HEATR5A: variants seen among roughly 807,000 people sequenced by gnomAD.
The protein encoded by HEATR5A is HEAT repeat-containing protein 5A.
Under a neutral mutation model 218.8 loss-of-function variants are expected in HEATR5A, and 178 were observed. That is an observed-to-expected ratio of 0.81 (90% confidence interval 0.72 to 0.92). The LOEUF is 0.92. Among genes scored for constraint, HEATR5A ranks in the 40% least tolerant of loss-of-function variants. HEATR5A has a pLI of 0.00. For synonymous variants in HEATR5A, 864 were observed against 871.6 expected (o/e 0.99, Z 0.15); for missense variants, 2,420 against 2,418.9 (o/e 1.00, Z -0.01).
chr14:31,309,230 T>C, intron 28 of HEATR5A, 48 bp from the exon 29 acceptor site: 1 of 1,577,440 alleles, frequency 6.3e-7, no homozygotes, highest in South Asian at 1.2e-5. Context: ...TTCCAATATA[T>C]TTTCTCTTTT....
At chr14:31,307,136 G>A (rs558562996) in intron 30 of HEATR5A, among the ~76,000 whole-genome samples, 1 of 152,292 alleles carries the variant, frequency 6.6e-6, no homozygotes, top group Non-Finnish European at 1.5e-5. Flanking sequence ...ATCAAGCCTG[G>A]CCAACATGGT....
At chr14:31,407,454 G>A (rs1231909803) in intron 1 of HEATR5A, among the ~76,000 whole-genome samples, 1 of 152,048 alleles carries the variant, frequency 6.6e-6, no homozygotes, top group Admixed American at 6.6e-5. Flanking sequence ...TGTATATTAT[G>A]ACTCTCCATG....
At chr14:31,301,163 C>T (rs145363414) in intron 33 of HEATR5A, among the ~76,000 whole-genome samples, 2 of 152,266 alleles carry the variant, frequency 1.3e-5, no homozygotes, top group South Asian at 2.1e-4. Context: ...AGGGAAAATG[C>T]ATACTGTGTC....
At chr14:31,400,575 A>G (rs1282023036) in intron 2 of HEATR5A, 63 bp from the exon 3 acceptor site, 4 of 1,084,050 alleles carry the variant, frequency 3.7e-6, no homozygotes, top group Non-Finnish European at 5.1e-6. Flanking sequence ...ATCCCCTAAT[A>G]TAATTTTTCT....
chr14:31,379,271 G>A (rs1290738897), intron 11 of HEATR5A, among the ~76,000 whole-genome samples: 1 of 150,062 alleles, frequency 6.7e-6, no homozygotes, highest in African/African-American at 2.5e-5. Flanking sequence ...TTTATTTTGA[G>A]AGGGAGTCTT....
At position 31,293,500 on chromosome 14, in the gene HEATR5A, T is replaced by A. The variant is rs1269980705; in HGVS notation, c.5946A>T (p.Gln1982His). 2 of 1,613,816 alleles carry A rather than the reference T, an allele frequency of 1.2e-6. No individual in the cohort carries two copies. The highest frequency in any genetic ancestry group is 3.3e-5 in the Admixed American group (2 of 59,998). The change falls in exon 36 of 36, where the codon CAA (glutamine) becomes CAT (histidine). Residue 1982 changes from glutamine (Q) to histidine (H), a missense_variant. Physicochemically the swap from Gln to His is conservative, Grantham distance 24 (BLOSUM62 0). Coordinates refer to ENST00000543095, the MANE Select transcript of HEATR5A (RefSeq NM_015473.4). The part of the protein sequence containing the change: ...IMRNLHDFAL[Q>H]NLMQIGPQYS... ...ACTGAGGTCCAATTTGCATGAGATT[T>A]TGTAGAGCAAAGTCATGTAAATTTC... is the stretch of plus-strand genomic sequence containing the variant.
intron 16 of HEATR5A, among the ~76,000 whole-genome samples, chr14:31,354,448 A>T (rs1901348421): frequency 6.6e-6 from 1 of 152,228 alleles, no homozygotes; most frequent in African/African-American, 2.4e-5. Flanking sequence ...CAATCCTGAA[A>T]GAGATTGAAT....
At chr14:31,301,435 A>T (rs984559071) in intron 33 of HEATR5A, among the ~76,000 whole-genome samples, 1 of 152,028 alleles carries the variant, frequency 6.6e-6, no homozygotes, top group Admixed American at 6.6e-5. Flanking sequence ...ACAAGTTTTA[A>T]TGGATGCTGA....
At chr14:31,332,140 T>A (rs1900494241) in intron 22 of HEATR5A, among the ~76,000 whole-genome samples, 1 of 152,234 alleles carries the variant, frequency 6.6e-6, no homozygotes, top group Admixed American at 6.5e-5. Context: ...TGAATCAACA[T>A]GTTCACTGCA....
In HEATR5A at chr14:31,294,047, C is replaced by G. The variant is rs1483207384; in HGVS notation, c.5677G>C (p.Val1893Leu). ...HSIFQYPNPA[V>L]SYPYIYSLAS... ...AAAGAGTAAATGTATGGGTAGGAAACAGCTGGATTTGGATACTGAAAGATG... is the reference window on the plus strand; with the variant it reads ...AAAGAGTAAATGTATGGGTAGGAAAGAGCTGGATTTGGATACTGAAAGATG... Residue 1893 changes from valine to leucine, a missense_variant, in exon 35 of 36, where the codon GTT (valine) becomes CTT (leucine). Val to Leu is a conservative substitution (Grantham distance 32). Transcript: ENST00000543095. 1 of 1,603,550 alleles carries G rather than the reference C, an allele frequency of 6.2e-7. No individual in the cohort carries two copies. The highest frequency in any genetic ancestry group is 8.5e-7 in the Non-Finnish European group (1 of 1,174,804).
At chr14:31,310,576 G>A (rs28372995) in intron 28 of HEATR5A, among the ~76,000 whole-genome samples, 5,577 of 152,176 alleles carry the variant, frequency 0.037, 300 homozygotes, top group African/African-American at 0.12. Context: ...GGAGGTGGAG[G>A]TTGCAGTGAG....
At chr14:31,399,307 G>A (rs532554272) in intron 3 of HEATR5A, among the ~76,000 whole-genome samples, 1 of 152,272 alleles carries the variant, frequency 6.6e-6, no homozygotes, top group South Asian at 2.1e-4. Context: ...GTATCAATCT[G>A]TGATTACTCT....
In HEATR5A at chr14:31,337,603, A is replaced by G; in HGVS notation, c.3240T>C (p.Cys1080=). ...SLVSCLCVNL[C]SPYLLLRRAV... is the part of the protein sequence containing the mutation. ...CTCTTCTCAGTAACAAGTAGGGGCT[A>G]CAAAGATTCACCTGAAAAATACCAT... Residue 1080 remains cysteine (C), a synonymous_variant, in exon 22 of 36, where the codon TGT becomes TGC. Coordinates refer to ENST00000543095, the MANE Select transcript of HEATR5A (RefSeq NM_015473.4). 6.9e-6 allele frequency: 11 copies of G among 1,599,992 alleles called. No homozygotes were observed. The highest frequency in any genetic ancestry group is 9.4e-6 in the Non-Finnish European group (11 of 1,173,204).
Position 31,338,280 on chromosome 14 carries a change from G to A in HEATR5A, c.3229-666C>T, listed in dbSNP as rs1267150296. On this transcript the variant is annotated intron_variant, in intron 21 of 35. Coordinates refer to ENST00000543095, the MANE Select transcript of HEATR5A (RefSeq NM_015473.4). ...AATAAATGTTAGTTATTATTAGTGT[G>A]GTCTTTTAACAATAATATTTTAATC... 3.3e-5 allele frequency among the ~76,000 whole-genome samples: 5 copies of A among 152,138 alleles called. No individual in the cohort carries two copies. In the East Asian group the frequency reaches 9.6e-4, roughly 29 times the overall value.
At chr14:31,329,500 G>A (rs551004010) in intron 22 of HEATR5A, among the ~76,000 whole-genome samples, 39 of 152,308 alleles carry the variant, frequency 2.6e-4, no homozygotes, top group African/African-American at 8.4e-4. Context: ...TGAAAGCTCC[G>A]AAGTGATCTC....
chr14:31,351,031 T>C (rs532456292), intron 16 of HEATR5A, among the ~76,000 whole-genome samples: 2 of 152,328 alleles, frequency 1.3e-5, no homozygotes, highest in South Asian at 4.1e-4. Context: ...TCCGCCCACC[T>C]TGGCCTCCCA....
At chr14:31,298,330 C>T (rs1043280562) in intron 33 of HEATR5A, among the ~76,000 whole-genome samples, 25 of 152,316 alleles carry the variant, frequency 1.6e-4, no homozygotes, top group African/African-American at 5.8e-4. Context: ...CTTAATTTCT[C>T]TTAGTAGCTA....
intron 21 of HEATR5A, chr14:31,340,528 T>C: frequency 8.7e-7 from 1 of 1,146,996 alleles, no homozygotes; most frequent in African/African-American, 1.6e-5. Context: ...AAGATAAATA[T>C]TAGGATGACT....
At chr14:31,340,553 C>T in intron 21 of HEATR5A, 1 of 886,178 alleles carries the variant, frequency 1.1e-6, no homozygotes, top group Non-Finnish European at 1.6e-6. Context: ...CAACAGTCAG[C>T]TAAGCATTAA....
Sources: gnomAD v4.1 joint callset for allele counts (sites outside exome capture counted in the v4.1 genomes callset) on GRCh38, gnomAD v4.1.1 for gene constraint, MANE v1.5 for transcripts, NCBI Gene and HGNC (gene_info 2026-07-23, HGNC 2026-07-21) for gene names.